The following NDUFC1 variants were observed in gnomAD, a reference collection of about 807,000 sequenced individuals.
The protein encoded by NDUFC1 is NADH dehydrogenase [ubiquinone] 1 subunit C1, mitochondrial.
A neutral mutation model predicts 11.6 loss-of-function variants in NDUFC1; 11 were observed. That is an observed-to-expected ratio of 0.95 (90% CI 0.60 to 1.58). The LOEUF (loss-of-function observed/expected upper bound fraction) is 1.58. Ranked by LOEUF, NDUFC1 falls within the 40% of genes most tolerant of loss-of-function variation. NDUFC1 has a pLI of 0.00. For missense variants in NDUFC1, 112 were observed against 93.0 expected (o/e 1.20, Z -0.84); for synonymous variants, 52 against 42.2 (o/e 1.23, Z -0.90).
intron 3 of NDUFC1, 147 bp downstream of exon 3, chr4:139,295,585 G>A: frequency 1.2e-6 from 1 of 800,834 alleles, no homozygotes; most frequent in Non-Finnish European, 1.9e-6. Flanking sequence ...GTAGGGGACA[G>A]GCGTGGGCTG....
upstream of NDUFC1, chr4:139,302,526 C>G (rs917568578): frequency 6.6e-6 from 1 of 152,182 alleles, no homozygotes. Context: ...GGGAAACAGC[C>G]CCACCCCGTC....
At position 139,295,772 on chromosome 4, in the gene NDUFC1, G is replaced by T; in HGVS notation, c.27C>A (p.Pro9=). The change falls in exon 3 of 6, where the codon CCC becomes CCA. Residue 9 remains proline (P), a synonymous_variant. Coordinates refer to ENST00000394223, the MANE Select transcript of NDUFC1 (RefSeq NM_001184989.2). The part of the protein sequence containing the change: MAPSALLR[P]LSRLLAPARL... ...TGGCGGGGGCCAGCAGCCGGGAAAGGGGACGCAGCAAGGCGGACGGCGCCA... is the reference window on the plus strand; with the variant it reads ...TGGCGGGGGCCAGCAGCCGGGAAAGTGGACGCAGCAAGGCGGACGGCGCCA... The T allele has an allele frequency of 6.4e-7, 1 of 1,553,132 alleles. No individual in the cohort carries two copies. The highest frequency in any genetic ancestry group is 8.7e-7 in the Non-Finnish European group (1 of 1,150,262).
intron 1 of NDUFC1, chr4:139,301,819 C>T: frequency 6.3e-7 from 1 of 1,593,936 alleles, no homozygotes; most frequent in Non-Finnish European, 8.5e-7. Flanking sequence ...ATGCGCTCTT[C>T]AAGCGGATCT....
In NDUFC1 at chr4:139,295,716, C is replaced by A; in HGVS notation, c.67+16G>T. 3.2e-6 allele frequency: 5 copies of A among 1,540,128 alleles called. No individual in the cohort carries two copies. The highest frequency in any genetic ancestry group is 3.5e-6 in the Non-Finnish European group (4 of 1,142,916). On this transcript the variant is annotated intron_variant, in intron 3 of 5. Coordinates refer to ENST00000394223, the MANE Select transcript of NDUFC1 (RefSeq NM_001184989.2). ...AATCTGAGGGTCGAGTCGGCCTGCA[C>A]GAGGAGGATACTCACGGCCGCTCGG...
rs1053003317 is a variant in NDUFC1, at chr4:139,295,097, A to G, written c.117T>C (p.Pro39=). The part of the protein sequence containing the change: ...FYVREPPNAK[P]DWLKVGFTLG... ...AGGTGAACCCAACTTTCAGCCAGTC[A>G]GGTTTGGCATTCGGCGGCTCTCGCA... The change falls in exon 4 of 6, where the codon CCT becomes CCC. Residue 39 remains proline, a synonymous_variant. Transcript: ENST00000394223. The G allele has an allele frequency of 6.2e-7, 1 of 1,614,214 alleles. No individual in the cohort carries two copies. Among genetic ancestry groups the G allele is most frequent in the Non-Finnish European group, 8.5e-7 (1 of 1,180,036 alleles).
At chr4:139,294,545 G>A (rs1259819467) in intron 4 of NDUFC1, among the ~76,000 whole-genome samples, 1 of 151,054 alleles carries the variant, frequency 6.6e-6, no homozygotes, top group African/African-American at 2.4e-5. Flanking sequence ...GACCATCCTG[G>A]CTAATACGGT....
chr4:139,297,308 T>C (rs1477387652), intron 2 of NDUFC1, 77 bp downstream of exon 2: 1 of 152,240 alleles, frequency 6.6e-6, no homozygotes, highest in Non-Finnish European at 1.5e-5. Context: ...TTGTTCTTTT[T>C]CAGAGCTTTG....
At chr4:139,298,657 A>G (rs1024191942) in intron 1 of NDUFC1, among the ~76,000 whole-genome samples, 1 of 151,534 alleles carries the variant, frequency 6.6e-6, no homozygotes, top group African/African-American at 2.4e-5. Flanking sequence ...GGTGACAAAT[A>G]CATGAATTTC....
intron 4 of NDUFC1, among the ~76,000 whole-genome samples, chr4:139,293,314 C>T (rs1745312051): frequency 6.6e-6 from 1 of 152,082 alleles, no homozygotes; most frequent in Admixed American, 6.6e-5. Context: ...GAATGACCAA[C>T]CCCATCACGA....
At chr4:139,296,526 A>G (rs1745482970) in intron 2 of NDUFC1, among the ~76,000 whole-genome samples, 1 of 152,216 alleles carries the variant, frequency 6.6e-6, no homozygotes, top group Non-Finnish European at 1.5e-5. Flanking sequence ...ATCAGCGTTC[A>G]AAGCCATTCT....
intron 1 of NDUFC1, among the ~76,000 whole-genome samples, chr4:139,298,955 G>A (rs1272600959): frequency 1.3e-5 from 2 of 151,906 alleles, no homozygotes; most frequent in African/African-American, 4.8e-5. Flanking sequence ...TTATAGGTAT[G>A]AGGCATTATG....
At chr4:139,293,167 G>C (rs1745306275) in intron 4 of NDUFC1, among the ~76,000 whole-genome samples, 1 of 152,102 alleles carries the variant, frequency 6.6e-6, no homozygotes, top group South Asian at 2.1e-4. Context: ...CATTTGGTGG[G>C]TAATAAACGT....
chr4:139,299,266 C>A (rs62323070), intron 1 of NDUFC1, among the ~76,000 whole-genome samples: 1,600 of 150,624 alleles, frequency 0.011, 32 homozygotes, highest in African/African-American at 0.037. Flanking sequence ...CCAAGCCCAG[C>A]CTTTTTTTTT....
chr4:139,295,628 C>A, intron 3 of NDUFC1, 104 bp downstream of exon 3: 1 of 1,308,214 alleles, frequency 7.6e-7, no homozygotes, highest in Non-Finnish European at 1.0e-6. Context: ...AAGGTCACTG[C>A]AGGACGAACC....
Position 139,292,515 on chromosome 4 carries a change from A to G in NDUFC1, c.*20+15T>C. ...ATTTGCATAATCTATTCATCCAATA[A>G]GCTTGTATACTTACTACATTAGTGT... On this transcript the variant is annotated intron_variant, in intron 5 of 5. Coordinates refer to ENST00000394223, the MANE Select transcript of NDUFC1 (RefSeq NM_001184989.2). 8.0e-7 allele frequency: 1 copy of G among 1,244,592 alleles called. No homozygotes were observed. Among genetic ancestry groups the G allele is most frequent in the Non-Finnish European group, 1.1e-6 (1 of 879,390 alleles). The allele number at this position is 1,244,592 out of a possible 1,614,324, so 77.1% of individuals were successfully genotyped here.
chr4:139,294,699 C>T (rs1221956259), intron 4 of NDUFC1, among the ~76,000 whole-genome samples: 2 of 148,900 alleles, frequency 1.3e-5, no homozygotes, highest in Middle Eastern at 3.5e-3. Context: ...CACGCCACTG[C>T]ACTCCAGCCT....
At chr4:139,300,346 C>T (rs954337474) in intron 1 of NDUFC1, among the ~76,000 whole-genome samples, 2 of 152,136 alleles carry the variant, frequency 1.3e-5, no homozygotes, top group Non-Finnish European at 2.9e-5. Context: ...TGTATCTCAA[C>T]TCACACCTTT....
intron 1 of NDUFC1, 50 bp downstream of exon 1, chr4:139,302,366 G>C (rs1745821069): frequency 6.5e-6 from 1 of 153,516 alleles, no homozygotes; most frequent in African/African-American, 2.4e-5. Context: ...GACCTGAGAG[G>C]AGGGAAAGAA....
chr4:139,301,235 G>A (rs1745710417), intron 1 of NDUFC1: 1 of 300,546 alleles, frequency 3.3e-6, no homozygotes, highest in Non-Finnish European at 6.1e-6. Context: ...GGTCGATCTA[G>A]CAGGAAGGCG....
Sources: gnomAD v4.1 joint callset for allele counts (sites outside exome capture counted in the v4.1 genomes callset) on GRCh38, gnomAD v4.1.1 for gene constraint, MANE v1.5 for transcripts, NCBI Gene and HGNC (gene_info 2026-07-23, HGNC 2026-07-21) for gene names.